The following RSU1 variants were observed in gnomAD, a reference collection of about 807,000 sequenced individuals.
RSU1 encodes the protein Ras suppressor protein 1, also known as rsu-1.
Under a neutral mutation model 31.1 loss-of-function variants are expected in RSU1, and 26 were observed. The ratio of observed to expected loss-of-function variants is 0.84; its 90% confidence interval spans 0.61 to 1.16. The LOEUF (loss-of-function observed/expected upper bound fraction) is 1.16. RSU1 is among the 50% of genes most tolerant of loss of function. The pLI is 0.00. For missense variants in RSU1, 320 were observed against 339.1 expected (o/e 0.94, Z 0.44); for synonymous variants, 164 against 136.3 (o/e 1.20, Z -1.41).
intron 8 of RSU1, among the ~76,000 whole-genome samples, chr10:16,598,468 C>A (rs1486943428): frequency 6.6e-6 from 1 of 152,146 alleles, no homozygotes; most frequent in Non-Finnish European, 1.5e-5. Context: ...TTGGGAGGAT[C>A]GCTTGAGCCT....
At chr10:16,597,688 T>G (rs977237791) in intron 8 of RSU1, among the ~76,000 whole-genome samples, 5 of 152,236 alleles carry the variant, frequency 3.3e-5, no homozygotes, top group African/African-American at 1.2e-4. Flanking sequence ...ATTATATGAT[T>G]ACCTTCCTTC....
At chr10:16,613,930 C>T (rs1306050812) in intron 8 of RSU1, among the ~76,000 whole-genome samples, 3 of 152,078 alleles carry the variant, frequency 2.0e-5, no homozygotes, top group Non-Finnish European at 4.4e-5. Flanking sequence ...AATCTATTGC[C>T]AGGCTATATT....
chr10:16,708,988 G>C (rs955651361), intron 7 of RSU1, among the ~76,000 whole-genome samples: 18 of 150,986 alleles, frequency 1.2e-4, no homozygotes, highest in African/African-American at 4.1e-4. Context: ...TTCTTTAGTA[G>C]AGTCCTTTGG....
At chr10:16,702,255 T>C (rs929776808) in intron 7 of RSU1, among the ~76,000 whole-genome samples, 2 of 152,194 alleles carry the variant, frequency 1.3e-5, no homozygotes, top group Non-Finnish European at 2.9e-5. Context: ...ACTAGGGCAG[T>C]GTGAAGGAGA....
Position 16,695,164 on chromosome 10 carries a change from GGGGA to G in RSU1, c.599-13_599-10del. 6.8e-7 allele frequency: 1 copy of G among 1,459,872 alleles called. No individual in the cohort carries two copies. The highest frequency in any genetic ancestry group is 9.2e-7 in the Non-Finnish European group (1 of 1,086,480). 90.4% of individuals were successfully genotyped at this position (1,459,872 alleles called of 1,614,324 possible). Reference sequence around the variant, plus strand: ...AGTTAAATCCAAGTTTCCTGGGGGGGGGGAAAAAAAAAGTGAAGGTCACTTCATC... The same window carrying G: ...AGTTAAATCCAAGTTTCCTGGGGGGGAAAAAAAAGTGAAGGTCACTTCATC... On this transcript the variant is annotated splice_polypyrimidine_tract_variant and intron_variant, in intron 7 of 8. Coordinates refer to ENST00000345264, the MANE Select transcript of RSU1 (RefSeq NM_012425.4).
intron 8 of RSU1, among the ~76,000 whole-genome samples, chr10:16,674,627 G>C (rs1029550015): frequency 2.0e-5 from 3 of 152,056 alleles, no homozygotes; most frequent in African/African-American, 7.2e-5. Flanking sequence ...GCAGGAGTGG[G>C]TGGTGGGCGA....
chr10:16,773,186 G>C (rs556899707), intron 3 of RSU1, among the ~76,000 whole-genome samples: 1 of 150,368 alleles, frequency 6.7e-6, no homozygotes, highest in East Asian at 2.0e-4. Flanking sequence ...GCAACAACTT[G>C]AGACCCTGTC....
Position 16,614,605 on chromosome 10 carries a change from T to C in RSU1, c.732-21109A>G, listed in dbSNP as rs151095493. The stretch of plus-strand genomic sequence containing the variant: ...CACATTGCATGCCTGAGCCACAGTA[T>C]CTCATATTCCCCATAAATACATACA... On this transcript the variant is annotated intron_variant, in intron 8 of 8. Coordinates refer to ENST00000345264, the MANE Select transcript of RSU1 (RefSeq NM_012425.4). Among the ~76,000 whole-genome samples the C allele has an allele frequency of 1.6e-3, 243 of 152,230 alleles. 1 individual carries two copies. The highest frequency in any genetic ancestry group is 5.6e-3 in the African/African-American group (232 of 41,538).
chr10:16,621,021 G>A (rs1026717135), intron 8 of RSU1, among the ~76,000 whole-genome samples: 1 of 152,104 alleles, frequency 6.6e-6, no homozygotes, highest in Admixed American at 6.6e-5. Flanking sequence ...ACTTAACCAA[G>A]TAACAGTTTA....
chr10:16,611,737 A>AC (rs1236059348), intron 8 of RSU1, among the ~76,000 whole-genome samples: 2 of 152,200 alleles, frequency 1.3e-5, no homozygotes. Context: ...ACAGCAAGCA[A>AC]CGCTGGTATG....
At chr10:16,814,421 C>G (rs1170247220) in intron 2 of RSU1, among the ~76,000 whole-genome samples, 1 of 138,332 alleles carries the variant, frequency 7.2e-6, no homozygotes, top group African/African-American at 2.8e-5. Context: ...GCATTCCAGC[C>G]TGGGTGACAG....
chr10:16,790,928 G>C (rs1004260259), intron 2 of RSU1, among the ~76,000 whole-genome samples: 1 of 152,150 alleles, frequency 6.6e-6, no homozygotes, highest in African/African-American at 2.4e-5. Context: ...GTGGAACTGT[G>C]AGCCAATTAA....
At chr10:16,659,021 G>A (rs1198821012) in intron 8 of RSU1, among the ~76,000 whole-genome samples, 2 of 152,126 alleles carry the variant, frequency 1.3e-5, no homozygotes, top group Non-Finnish European at 2.9e-5. Context: ...CATTTTTCAT[G>A]TATATTAGCA....
intron 8 of RSU1, among the ~76,000 whole-genome samples, chr10:16,609,575 G>C (rs1302741016): frequency 6.6e-6 from 1 of 152,182 alleles, no homozygotes; most frequent in African/African-American, 2.4e-5. Flanking sequence ...GCACCTCCCG[G>C]GCCCCGTACG....
chr10:16,680,767 C>G (rs943804449), intron 8 of RSU1, among the ~76,000 whole-genome samples: 2 of 152,164 alleles, frequency 1.3e-5, no homozygotes, highest in Non-Finnish European at 2.9e-5. Context: ...GGCCTCACCT[C>G]CAATGCTGGG....
chr10:16,791,090 G>T (rs1477415401), intron 2 of RSU1, among the ~76,000 whole-genome samples: 1 of 152,098 alleles, frequency 6.6e-6, no homozygotes, highest in Non-Finnish European at 1.5e-5. Context: ...GCAGTGGCAT[G>T]ATCTTGGCTC....
Position 16,775,601 on chromosome 10 carries a change from C to T in RSU1, c.160+6433G>A, listed in dbSNP as rs563921872. Among the ~76,000 whole-genome samples the T allele has an allele frequency of 1.8e-4, 28 of 152,258 alleles. No individual in the cohort carries two copies. In the South Asian group the frequency reaches 5.4e-3, roughly 29 times the overall value. Reference sequence around the variant, plus strand: ...ACACGTCTTCGACTTCATTCGCTGGCCTTGGCTGCACTGGTTCTGGGTTCC... The same window carrying T: ...ACACGTCTTCGACTTCATTCGCTGGTCTTGGCTGCACTGGTTCTGGGTTCC... On this transcript the variant is annotated intron_variant, in intron 3 of 8. Coordinates refer to ENST00000345264, the MANE Select transcript of RSU1 (RefSeq NM_012425.4).
In RSU1 at chr10:16,607,133, C is replaced by T. The variant is rs12416471; in HGVS notation, c.732-13637G>A. On this transcript the variant is annotated intron_variant, in intron 8 of 8. Transcript: ENST00000345264. ...TCTCGTGATAGTGAGTGAGTTCTCG[C>T]GAGATCTGGTTGTTGAAAAGCATGC... Among the ~76,000 whole-genome samples, 366 of 152,228 alleles carry T rather than the reference C, an allele frequency of 2.4e-3. 3 individuals are homozygous for T. Among genetic ancestry groups the T allele is most frequent in the Admixed American group, 9.5e-3 (146 of 15,300 alleles).
At chr10:16,731,013 G>A (rs1836500735) in intron 7 of RSU1, among the ~76,000 whole-genome samples, 2 of 151,964 alleles carry the variant, frequency 1.3e-5, no homozygotes, top group Non-Finnish European at 2.9e-5. Context: ...TAGTAGAGAT[G>A]GGGTTTCACC....
Sources: allele counts gnomAD v4.1 joint callset (sites outside exome capture counted in the v4.1 genomes callset), GRCh38; gene constraint gnomAD v4.1.1; transcripts MANE v1.5; gene names NCBI Gene and HGNC (gene_info 2026-07-23, HGNC 2026-07-21).